Variants in NOTCH3 observed in about 807,000 individuals in gnomAD.
NOTCH3 encodes the protein notch receptor 3.
In NOTCH3, 86 loss-of-function variants were observed where a neutral mutation model predicts 213.3. The observed-to-expected ratio is 0.40, with a 90% CI of 0.34 to 0.48. The LOEUF (loss-of-function observed/expected upper bound fraction) is 0.48, where lower values mean the gene tolerates loss of function less well. NOTCH3 is among the 20% of genes least tolerant of loss of function. NOTCH3 has a pLI of 0.57. For missense variants in NOTCH3, 2,783 were observed against 3,272.6 expected (o/e 0.85, Z 3.65); for synonymous variants, 1,354 against 1,355.9 (o/e 1.00, Z 0.03).
rs73504100 is a variant in NOTCH3, at chr19:15,165,130, G to A, written c.5815+238C>T. On this transcript the variant is annotated intron_variant, in intron 31 of 32. Coordinates refer to ENST00000263388, the MANE Select transcript of NOTCH3 (RefSeq NM_000435.3). The surrounding 1 kb of genome is among the most constrained non-coding windows in gnomAD (Gnocchi z 4.7). The stretch of plus-strand genomic sequence containing the variant: ...CAGCAGGTGGAAGTACAGTGTGTCC[G>A]TCTAACAAAGCAGGTGGAAATGAAG... 2.0e-3 allele frequency among the ~76,000 whole-genome samples: 306 copies of A among 152,232 alleles called. 1 individual carries two copies. The highest frequency in any genetic ancestry group is 6.8e-3 in the African/African-American group (283 of 41,528).
At chr19:15,162,075 G>T (rs991946329) in intron 32 of NOTCH3, among the ~76,000 whole-genome samples, 2 of 144,696 alleles carry the variant, frequency 1.4e-5, no homozygotes, top group Admixed American at 7.3e-5. Context: ...TCAGCCTTCC[G>T]GGTTCAAGCG....
chr19:15,178,345 T>A, intron 23 of NOTCH3: 1 of 515,950 alleles, frequency 1.9e-6, no homozygotes, highest in Admixed American at 3.7e-5. Flanking sequence ...ATCACCATCC[T>A]CACCCTTTTC....
chr19:15,180,055 G>A lies in NOTCH3; in HGVS notation c.3327+17C>T. ...ATGCCCACCTCCTCTTCCCTCTCCT[G>A]GGGAGCGCCCCCTTACCTCACACAT... On this transcript the variant is annotated intron_variant, in intron 20 of 32. Transcript: ENST00000263388. 6.3e-7 allele frequency: 1 copy of A among 1,577,770 alleles called. No individual in the cohort carries two copies. The highest frequency in any genetic ancestry group is 8.7e-7 in the Non-Finnish European group (1 of 1,148,906).
At position 15,200,807 on chromosome 19, in the gene NOTCH3, T is replaced by C; in HGVS notation, c.99A>G (p.Leu33=). The change falls in exon 1 of 33, where the codon CTA becomes CTG. Residue 33 remains leucine (L), a synonymous_variant. Coordinates refer to ENST00000263388, the MANE Select transcript of NOTCH3 (RefSeq NM_000435.3). ...CCTCACCTGCAGCCCCCGGCCCCGC[T>C]AGCAGCAGCAGCAGGGGCAGCGCCC... The part of the protein sequence containing the change: ...PVRALPLLLL[L]AGPGAAAPPC... The C allele has an allele frequency of 7.9e-7, 1 of 1,262,828 alleles. No individual in the cohort carries two copies. Among genetic ancestry groups the C allele is most frequent in the Non-Finnish European group, 1.0e-6 (1 of 996,994 alleles). The allele number at this position is 1,262,828 out of a possible 1,614,324, so 78.2% of individuals were successfully genotyped here.
rs1220289627 is a variant in NOTCH3, at chr19:15,180,131, C to A, written c.3268G>T (p.Ala1090Ser). 1 of 1,613,126 alleles carries A rather than the reference C, an allele frequency of 6.2e-7. No individual in the cohort carries two copies. Among genetic ancestry groups the A allele is most frequent in the South Asian group, 1.1e-5 (1 of 91,042 alleles). ...GTCCCCCCATGCTGGCAGGGCTGGG[C>A]CAAGCAGGGGTCCACCTCCTGCTCA... Reference protein sequence around the residue: ...HCEQEVDPCLAQPCQHGGTCR... With the variant: ...HCEQEVDPCLSQPCQHGGTCR... Residue 1090 changes from alanine to serine, a missense_variant, in exon 20 of 33, where the codon GCC (alanine) becomes TCC (serine). Ala to Ser is a moderately conservative substitution (Grantham distance 99). Around this residue, in one of 6 missense-constraint regions of NOTCH3, gnomAD observed 861 missense variants for 909.1 expected, o/e 0.95. Coordinates refer to ENST00000263388, the MANE Select transcript of NOTCH3 (RefSeq NM_000435.3).
intron 2 of NOTCH3, among the ~76,000 whole-genome samples, chr19:15,196,606 C>T (rs1023159856): frequency 1.3e-5 from 2 of 152,162 alleles, no homozygotes; most frequent in African/African-American, 2.4e-5. Flanking sequence ...TTAATGATAG[C>T]ATGAAAGGAG....
Position 15,185,076 on chromosome 19 carries a change from A to G in NOTCH3, c.2297-57T>C, listed in dbSNP as rs983008376. On this transcript the variant is annotated intron_variant, in intron 14 of 32. Transcript: ENST00000263388. This position sits in a 1 kb window ranked among gnomAD's most constrained non-coding sequence, Gnocchi z 4.2. The stretch of plus-strand genomic sequence containing the variant: ...TAGCCTTGAGGGACTCCCTGATCCC[A>G]TCTCCCCCCACCTCCCCCAACCCCA... The G allele has an allele frequency of 8.6e-5, 108 of 1,257,082 alleles. No individual in the cohort carries two copies. Among genetic ancestry groups the G allele is most frequent in the Admixed American group, 1.6e-4 (7 of 44,882 alleles). The allele number at this position is 1,257,082 out of a possible 1,614,324, so 77.9% of individuals were successfully genotyped here.
chr19:15,166,912 C>T (rs181421634), intron 29 of NOTCH3, among the ~76,000 whole-genome samples: 3 of 151,658 alleles, frequency 2.0e-5, no homozygotes, highest in Non-Finnish European at 2.9e-5. Flanking sequence ...AGGATGAGCA[C>T]GTGACCCTAG....
rs1046996475 is a variant in NOTCH3 at position 15,160,747 on chromosome 19, A to C, written c.6881T>G (p.Leu2294Trp). Residue 2294 changes from leucine (L) to tryptophan (W), a missense_variant, in exon 33 of 33, where the codon TTG becomes TGG. Coordinates refer to ENST00000263388, the MANE Select transcript of NOTCH3 (RefSeq NM_000435.3). The stretch of plus-strand genomic sequence containing the variant: ...CTGAGCAAGGGAGCTGGGAACAGAC[A>C]AGGGAAGTGGCTGGGCAGGCAGTGC... ...TGALPAQPLP[L>W]SVPSSLAQAQ... is the part of the protein sequence containing the mutation. 6.2e-7 allele frequency: 1 copy of C among 1,614,046 alleles called. No individual in the cohort carries two copies. The highest frequency in any genetic ancestry group is 1.3e-5 in the African/African-American group (1 of 74,926).
At chr19:15,178,779 G>T in intron 23 of NOTCH3, 44 bp downstream of exon 23, 1 of 1,384,196 alleles carries the variant, frequency 7.2e-7, no homozygotes, top group Non-Finnish European at 1.0e-6. Flanking sequence ...TACTCCAGAG[G>T]CCACGCCCCT....
At position 15,165,354 on chromosome 19, in the gene NOTCH3, C is replaced by T. The variant is rs758869735; in HGVS notation, c.5815+14G>A. 1 of 1,603,196 alleles carries T rather than the reference C, an allele frequency of 6.2e-7. No homozygotes were observed. The highest frequency in any genetic ancestry group is 8.5e-7 in the Non-Finnish European group (1 of 1,179,920). ...CACCAACCCAGCTTAGACTTGATTCCTCTGCCAACCTACCAAGCTCATCCA... is the reference window on the plus strand; with the variant it reads ...CACCAACCCAGCTTAGACTTGATTCTTCTGCCAACCTACCAAGCTCATCCA... On this transcript the variant is annotated intron_variant, in intron 31 of 32. Coordinates refer to ENST00000263388, the MANE Select transcript of NOTCH3 (RefSeq NM_000435.3). This position sits in a 1 kb window ranked among gnomAD's most constrained non-coding sequence, Gnocchi z 4.7.
intron 25 of NOTCH3, among the ~76,000 whole-genome samples, chr19:15,173,075 T>TCTTCC (rs2046750699): frequency 5.4e-5 from 1 of 18,558 alleles, no homozygotes; most frequent in East Asian, 2.0e-3. Context: ...CTTCTTCTTC[T>TCTTCC]TCTTCTTCTT....
Position 15,200,812 on chromosome 19 carries a change from G to C in NOTCH3, c.94C>G (p.Leu32Val). The change falls in exon 1 of 33, where the codon CTG (leucine) becomes GTG (valine). Residue 32 changes from leucine to valine, a missense_variant. This residue lies in a region of NOTCH3 where 708 missense variants were observed against 906.6 expected (regional missense o/e 0.78). Coordinates refer to ENST00000263388, the MANE Select transcript of NOTCH3 (RefSeq NM_000435.3). ...PPVRALPLLL[L>V]LAGPGAAAPP... Reference sequence around the variant, plus strand: ...CCTGCAGCCCCCGGCCCCGCTAGCAGCAGCAGCAGGGGCAGCGCCCGCACG... The same window carrying C: ...CCTGCAGCCCCCGGCCCCGCTAGCACCAGCAGCAGGGGCAGCGCCCGCACG... The C allele has an allele frequency of 7.9e-7, 1 of 1,258,250 alleles. No homozygotes were observed. The highest frequency in any genetic ancestry group is 3.1e-5 in the East Asian group (1 of 31,800). 77.9% of individuals were successfully genotyped at this position (1,258,250 alleles called of 1,614,324 possible). A position where few individuals can be genotyped will look rare whatever the true frequency, so the allele number is the denominator to read the frequency against.
rs375420994 is a variant in NOTCH3 at position 15,173,045 on chromosome 19, C to CCTCCTCCTCCT, written c.4736+1022_4736+1023insAGGAGGAGGAG. Among the ~76,000 whole-genome samples, 11 of 25,724 alleles carry CCTCCTCCTCCT rather than the reference C, an allele frequency of 4.3e-4. 2 individuals are homozygous for CCTCCTCCTCCT. Among genetic ancestry groups the CCTCCTCCTCCT allele is most frequent in the East Asian group, 1.3e-3 (1 of 780 alleles). The allele number at this position is 25,724 out of a possible 152,430, so 16.9% of individuals were successfully genotyped here. On this transcript the variant is annotated intron_variant, in intron 25 of 32. Transcript: ENST00000263388. ...TCTTCCTCCCCCTCCCCCTCCCCCT[C>CCTCCTCCTCCT]CCTCCTCCCTCTTCTTCTTCTTCTT...
intron 6 of NOTCH3, among the ~76,000 whole-genome samples, chr19:15,190,649 A>T (rs760777557): frequency 2.0e-5 from 3 of 152,210 alleles, no homozygotes; most frequent in Non-Finnish European, 2.9e-5. Flanking sequence ...GCAGTGGCTC[A>T]GTCTCAGCTC....
Position 15,189,110 on chromosome 19 carries a change from G to A in NOTCH3, c.1257C>T (p.Cys419=), listed in dbSNP as rs1357572876. Residue 419 remains cysteine (C), a synonymous_variant, in exon 8 of 33, where the codon TGC becomes TGT. Transcript: ENST00000263388. ...AGCGAGGTCCAGTGTAGCCACGACC[G>A]CACTGGCACAGGAAGGAGCCCTGCG... The part of the protein sequence containing the change: ...VNTQGSFLCQ[C]GRGYTGPRCE... The A allele has an allele frequency of 4.3e-6, 7 of 1,613,146 alleles. No homozygotes were observed. The highest frequency in any genetic ancestry group is 2.2e-5 in the South Asian group (2 of 91,096).
chr19:15,167,489 C>A, intron 28 of NOTCH3, 78 bp from the exon 29 acceptor site: 5 of 1,379,420 alleles, frequency 3.6e-6, no homozygotes, highest in Non-Finnish European at 5.0e-6. Context: ...TGGGGCTGGG[C>A]ATTCCTACAG....
chr19:15,200,557 C>A (rs555155925), intron 1 of NOTCH3, among the ~76,000 whole-genome samples: 1 of 152,142 alleles, frequency 6.6e-6, no homozygotes, highest in South Asian at 2.1e-4. Flanking sequence ...ACTCCTGGGT[C>A]CCTTCATCTT....
At chr19:15,182,454 T>C (rs2046848665) in intron 16 of NOTCH3, among the ~76,000 whole-genome samples, 1 of 151,136 alleles carries the variant, frequency 6.6e-6, no homozygotes, top group Admixed American at 6.6e-5. Flanking sequence ...CTGCAGTGAG[T>C]CATGATCGCA....
Sources: gnomAD v4.1 joint callset for allele counts (sites outside exome capture counted in the v4.1 genomes callset) on GRCh38, gnomAD v4.1.1 for gene constraint, gnomAD v4.1.1 regional missense constraint, Gnocchi (gnomAD v3.1) non-coding constraint, MANE v1.5 for transcripts, NCBI Gene and HGNC (gene_info 2026-07-23, HGNC 2026-07-21) for gene names.